ANXA8: variants seen among roughly 807,000 people sequenced by gnomAD.
ANXA8 encodes VAC-beta.
A neutral mutation model predicts 26.8 loss-of-function variants in ANXA8; 9 were observed. The ratio of observed to expected loss-of-function variants is 0.34; its 90% CI spans 0.20 to 0.59. The LOEUF (loss-of-function observed/expected upper bound fraction) is 0.59. Among genes scored for constraint, ANXA8 ranks in the 20% least tolerant of loss-of-function variants. The pLI is 0.84. For synonymous variants in ANXA8, 39 were observed against 94.8 expected (o/e 0.41, Z 3.42); for missense variants, 83 against 238.5 (o/e 0.35, Z 4.29).
At chr10:47,502,976 T>C in the ANXA8 span, 15 of 1,562,742 alleles carry the variant, frequency 9.6e-6, 3 homozygotes, top group Non-Finnish European at 1.2e-5. Context: ...TTGGGGCTGG[T>C]GGTGCTGGAG....
the ANXA8 span, among the ~76,000 whole-genome samples, chr10:47,960,685 T>G: frequency 1.3e-5 from 2 of 148,862 alleles, no homozygotes; most frequent in Non-Finnish European, 3.0e-5. Context: ...TCACCCGCAC[T>G]CAGATTCAAT....
the ANXA8 span, among the ~76,000 whole-genome samples, chr10:47,622,873 G>A: frequency 2.7e-5 from 3 of 112,970 alleles, 1 homozygote; most frequent in Non-Finnish European, 3.9e-5. Flanking sequence ...GAATCATTCT[G>A]TACTGTTTCC....
chr10:47,693,858 T>C, the ANXA8 span, among the ~76,000 whole-genome samples: 1 of 151,720 alleles, frequency 6.6e-6, no homozygotes, highest in Non-Finnish European at 1.5e-5. Context: ...GAAAAAAAAA[T>C]GTTTTTTTTC....
the ANXA8 span, among the ~76,000 whole-genome samples, chr10:47,568,490 C>T: frequency 2.6e-5 from 1 of 38,160 alleles, no homozygotes; most frequent in Non-Finnish European, 5.5e-5. Flanking sequence ...TAAAGGTCAC[C>T]TACTTAATAT....
At chr10:47,579,840 A>G in the ANXA8 span, among the ~76,000 whole-genome samples, 1 of 138,012 alleles carries the variant, frequency 7.2e-6, no homozygotes, top group Non-Finnish European at 1.5e-5. Context: ...TATGTTCGTA[A>G]GAGAGTCAAA....
chr10:47,948,587 T>G, the ANXA8 span, among the ~76,000 whole-genome samples: 1 of 147,626 alleles, frequency 6.8e-6, no homozygotes, highest in African/African-American at 2.6e-5. Flanking sequence ...AAAAGAAAAT[T>G]TAAATGAATC....
chr10:47,960,475 T>C, the ANXA8 span, among the ~76,000 whole-genome samples: 2 of 149,156 alleles, frequency 1.3e-5, no homozygotes, highest in African/African-American at 5.0e-5. Flanking sequence ...GAACCAATTA[T>C]AAACACCTTG....
chr10:47,627,944 T>C, the ANXA8 span, among the ~76,000 whole-genome samples: 1 of 149,824 alleles, frequency 6.7e-6, no homozygotes, highest in Non-Finnish European at 1.5e-5. Flanking sequence ...GCTATACTGG[T>C]AAATATATTT....
the ANXA8 span, among the ~76,000 whole-genome samples, chr10:47,616,659 T>C: frequency 1.5e-5 from 1 of 67,172 alleles, no homozygotes; most frequent in Admixed American, 1.7e-4. Context: ...TATGGTTCCA[T>C]TGCAGGATGG....
chr10:47,558,529 ATG>A, the ANXA8 span, among the ~76,000 whole-genome samples: 6,072 of 141,402 alleles, frequency 0.043, 162 homozygotes, highest in African/African-American at 0.065. Flanking sequence ...GGGTTTTAAG[ATG>A]TGTGTGTGTG....
the ANXA8 span, among the ~76,000 whole-genome samples, chr10:47,700,178 G>A: frequency 1.3e-5 from 2 of 151,858 alleles, no homozygotes; most frequent in Non-Finnish European, 2.9e-5. Context: ...AAACAGACAT[G>A]CAAGAATAGC....
the ANXA8 span, among the ~76,000 whole-genome samples, chr10:47,908,939 ATAGT>A: frequency 4.1e-5 from 2 of 49,116 alleles, 1 homozygote; most frequent in African/African-American, 2.1e-4. Flanking sequence ...GTATAATGGA[ATAGT>A]TACTCTAATT....
At chr10:47,548,898 G>C in the ANXA8 span, among the ~76,000 whole-genome samples, 5 of 152,242 alleles carry the variant, frequency 3.3e-5, no homozygotes, top group African/African-American at 1.2e-4. Context: ...TCACCTCAAG[G>C]GTGTATCAAG....
the ANXA8 span, among the ~76,000 whole-genome samples, chr10:47,630,389 CA>C: frequency 6.7e-6 from 1 of 149,494 alleles, no homozygotes; most frequent in Non-Finnish European, 1.5e-5. Context: ...TGGTTTGATG[CA>C]AATAAATAAG....
the ANXA8 span, among the ~76,000 whole-genome samples, chr10:47,580,109 G>A: frequency 4.0e-5 from 6 of 151,052 alleles, no homozygotes; most frequent in African/African-American, 7.3e-5. Flanking sequence ...TTGTGGAGAC[G>A]GGGTCTCACC....
the ANXA8 span, among the ~76,000 whole-genome samples, chr10:47,687,852 C>T: frequency 5.3e-5 from 8 of 151,390 alleles, no homozygotes; most frequent in Admixed American, 2.6e-4. Flanking sequence ...GTAATCCCAA[C>T]ACTTTGGGAG....
chr10:47,660,850 AAG>A, the ANXA8 span, among the ~76,000 whole-genome samples: 3 of 150,766 alleles, frequency 2.0e-5, no homozygotes, highest in Non-Finnish European at 4.4e-5. Context: ...TGAGTGCCAC[AAG>A]AGAGATTTAT....
the ANXA8 span, among the ~76,000 whole-genome samples, chr10:47,510,913 TCTA>T: frequency 1.5e-5 from 2 of 132,936 alleles, no homozygotes; most frequent in African/African-American, 5.6e-5. Context: ...GCCAAGAATT[TCTA>T]TTAATTAATT....
the ANXA8 span, among the ~76,000 whole-genome samples, chr10:47,597,436 G>T: frequency 1.4e-5 from 2 of 147,092 alleles, no homozygotes; most frequent in South Asian, 4.2e-4. Flanking sequence ...GAAACAAAAG[G>T]CATCCAAATA....
Sources: gnomAD v4.1 joint callset for allele counts (sites outside exome capture counted in the v4.1 genomes callset) on GRCh38, gnomAD v4.1.1 for gene constraint, MANE v1.5 for transcripts, NCBI Gene and HGNC (gene_info 2026-07-23, HGNC 2026-07-21) for gene names.